The following MBD5 variants were observed in gnomAD, a reference collection of about 807,000 sequenced individuals.
The protein encoded by MBD5 is methyl-CpG-binding domain protein 5.
MBD5 carries 13 observed loss-of-function variants against 117.3 expected under a neutral mutation model. That is an observed-to-expected ratio of 0.11 (90% CI 0.07 to 0.18). The LOEUF (loss-of-function observed/expected upper bound fraction) is 0.18, where lower values mean the gene tolerates loss of function less well. MBD5 is among the 10% of genes least tolerant of loss of function. MBD5 has a pLI of 1.00. For synonymous variants in MBD5, 727 were observed against 766.4 expected (o/e 0.95, Z 0.85); for missense variants, 1,879 against 2,093.8 (o/e 0.90, Z 2.00).
intron 1 of MBD5, among the ~76,000 whole-genome samples, chr2:148,135,582 T>C (rs1164879380): frequency 6.6e-6 from 1 of 152,226 alleles, no homozygotes; most frequent in East Asian, 1.9e-4. Context: ...GTTTTAGGGC[T>C]CGACTTGTTT....
chr2:148,465,647 G>C (rs943577463), intron 7 of MBD5, among the ~76,000 whole-genome samples: 1 of 152,000 alleles, frequency 6.6e-6, no homozygotes, highest in Non-Finnish European at 1.5e-5. Flanking sequence ...AATGAGTGTC[G>C]CATAATAAGG....
At chr2:148,021,853 C>T in intron 1 of MBD5, 169 bp downstream of exon 1, 1 of 165,048 alleles carries the variant, frequency 6.1e-6, no homozygotes, top group Non-Finnish European at 1.3e-5. Flanking sequence ...AGGTGGGGTG[C>T]CCATCCTGTC....
At chr2:148,336,124 A>C (rs759826882) in intron 3 of MBD5, among the ~76,000 whole-genome samples, 4 of 152,218 alleles carry the variant, frequency 2.6e-5, no homozygotes, top group Admixed American at 6.5e-5. Context: ...CTATTTTCTC[A>C]CACCTATGTC....
chr2:148,052,957 C>T (rs889940750), intron 1 of MBD5, among the ~76,000 whole-genome samples: 13 of 123,324 alleles, frequency 1.1e-4, no homozygotes, highest in Admixed American at 2.7e-4. Flanking sequence ...CCCAAGAGTT[C>T]GTCTCAAAAA....
At chr2:148,452,606 G>A (rs1281352445) in intron 4 of MBD5, among the ~76,000 whole-genome samples, 1 of 151,540 alleles carries the variant, frequency 6.6e-6, no homozygotes, top group East Asian at 1.9e-4. Context: ...AAAAAAAAAG[G>A]TCTATTTCAT....
rs765825290 is a variant in MBD5 at position 148,469,819 on chromosome 2, C to A, written c.1876C>A (p.Pro626Thr). The A allele has an allele frequency of 3.7e-6, 6 of 1,613,946 alleles. No individual in the cohort carries two copies. The highest frequency in any genetic ancestry group is 5.1e-6 in the Non-Finnish European group (6 of 1,179,884). Residue 626 changes from proline to threonine, a missense_variant, in exon 8 of 14, where the codon CCT (proline) becomes ACT (threonine). By Grantham distance (38) the Pro-to-Thr change is conservative. Coordinates refer to ENST00000642680, the MANE Select transcript of MBD5 (RefSeq NM_001378120.1). ...GHSTLNTMFP[P>T]TANMLLPTGE... Reference sequence around the variant, plus strand: ...TAGCACTTTAAACACCATGTTCCCTCCTACTGCCAACATGCTTCTCCCAAC... The same window carrying A: ...TAGCACTTTAAACACCATGTTCCCTACTACTGCCAACATGCTTCTCCCAAC...
intron 3 of MBD5, among the ~76,000 whole-genome samples, chr2:148,239,624 A>G (rs1222146272): frequency 1.3e-5 from 2 of 151,588 alleles, no homozygotes; most frequent in Non-Finnish European, 2.9e-5. Context: ...GGGTTATATT[A>G]TGGGTAAGAA....
chr2:148,483,870 C>A lies in MBD5; in HGVS notation c.3279C>A (p.Val1093=). 1 of 1,550,588 alleles carries A rather than the reference C, an allele frequency of 6.4e-7. No individual in the cohort carries two copies. The highest frequency in any genetic ancestry group is 8.7e-7 in the Non-Finnish European group (1 of 1,146,978). The change falls in exon 9 of 14, where the codon GTC becomes GTA. Residue 1093 remains valine (V), a synonymous_variant. Transcript: ENST00000642680. ...MTLNPQLLGG[V]LNSASANTAN... ...TGAATCCCCAGCTGTTGGGAGGTGT[C>A]CTGAACTCGGCATCGGCCAACACCG...
At chr2:148,411,928 T>C (rs1048675298) in intron 4 of MBD5, among the ~76,000 whole-genome samples, 2 of 152,182 alleles carry the variant, frequency 1.3e-5, no homozygotes, top group African/African-American at 2.4e-5. Context: ...CCAGGGCCTA[T>C]GTCTAGAACG....
chr2:148,411,512 CTT>C (rs1188326755), intron 4 of MBD5, among the ~76,000 whole-genome samples: 196 of 97,448 alleles, frequency 2.0e-3, no homozygotes, highest in African/African-American at 6.7e-3. Flanking sequence ...AGCATCTGTT[CTT>C]TTTTTTTTTT....
At chr2:148,209,091 A>G (rs1380260132) in intron 2 of MBD5, among the ~76,000 whole-genome samples, 1 of 152,194 alleles carries the variant, frequency 6.6e-6, no homozygotes, top group Non-Finnish European at 1.5e-5. Flanking sequence ...TTTACCATGA[A>G]TAGATAGTTT....
At chr2:148,119,094 A>G (rs1191111485) in intron 1 of MBD5, among the ~76,000 whole-genome samples, 2 of 152,196 alleles carry the variant, frequency 1.3e-5, no homozygotes, top group African/African-American at 2.4e-5. Flanking sequence ...AGGAACTTCT[A>G]AAGTATTTTT....
At chr2:148,115,565 T>C (rs887574651) in intron 1 of MBD5, among the ~76,000 whole-genome samples, 10 of 152,220 alleles carry the variant, frequency 6.6e-5, no homozygotes, top group African/African-American at 2.2e-4. Flanking sequence ...GCGAATTTTC[T>C]ATTTTTTCTT....
chr2:148,382,281 C>A (rs1220211849), intron 4 of MBD5, among the ~76,000 whole-genome samples: 4 of 151,568 alleles, frequency 2.6e-5, no homozygotes, highest in African/African-American at 4.8e-5. Context: ...AAATGGAAAT[C>A]AAAAAAAGGC....
intron 3 of MBD5, among the ~76,000 whole-genome samples, chr2:148,340,481 T>C (rs1367508359): frequency 6.6e-6 from 1 of 152,126 alleles, no homozygotes; most frequent in Non-Finnish European, 1.5e-5. Context: ...AATTTGAGTT[T>C]TTAATTCTCC....
intron 3 of MBD5, among the ~76,000 whole-genome samples, chr2:148,276,733 A>G (rs1393781329): frequency 6.6e-6 from 1 of 152,112 alleles, no homozygotes; most frequent in Non-Finnish European, 1.5e-5. Flanking sequence ...ATCATGTAAG[A>G]GATTTTTTTG....
intron 1 of MBD5, among the ~76,000 whole-genome samples, chr2:148,064,147 A>C (rs1212868845): frequency 9.8e-6 from 1 of 102,182 alleles, no homozygotes; most frequent in African/African-American, 4.4e-5. Flanking sequence ...TTTTTTTGAG[A>C]CAGAGCCTCG....
intron 4 of MBD5, among the ~76,000 whole-genome samples, chr2:148,353,371 A>G (rs1193356300): frequency 6.6e-6 from 1 of 152,148 alleles, no homozygotes; most frequent in African/African-American, 2.4e-5. Flanking sequence ...AAATTTTCCC[A>G]TGTAAGCCTC....
chr2:148,055,052 G>A (rs113689459), intron 1 of MBD5: 362 of 152,216 alleles, frequency 2.4e-3, no homozygotes, highest in African/African-American at 8.5e-3. Context: ...TGTATATAAT[G>A]CATTCATGAT....
Sources: gnomAD v4.1 joint callset for allele counts (sites outside exome capture counted in the v4.1 genomes callset) on GRCh38, gnomAD v4.1.1 for gene constraint, MANE v1.5 for transcripts, NCBI Gene and HGNC (gene_info 2026-07-23, HGNC 2026-07-21) for gene names.